Variants in NPC1 observed in about 807,000 individuals in gnomAD.
NPC1 encodes NPC intracellular cholesterol transporter 1.
NPC1 carries 85 observed loss-of-function variants against 140.4 expected under a neutral mutation model. The ratio of observed to expected loss-of-function variants is 0.61; its 90% CI spans 0.51 to 0.72. The LOEUF is 0.72. Among genes scored for constraint, NPC1 ranks in the 30% least tolerant of loss-of-function variants. The pLI, the probability that NPC1 is intolerant of heterozygous loss-of-function variation, is 0.00. For missense variants in NPC1, 1,504 were observed against 1,623.8 expected (o/e 0.93, Z 1.27); for synonymous variants, 656 against 624.8 (o/e 1.05, Z -0.74).
intron 3 of NPC1, among the ~76,000 whole-genome samples, chr18:23,571,835 G>A (rs918812555): frequency 6.6e-6 from 1 of 151,794 alleles, no homozygotes; most frequent in Non-Finnish European, 1.5e-5. Flanking sequence ...AGCAGAGTGA[G>A]ACTCTGTCTC....
chr18:23,576,435 T>C (rs1567984020), intron 1 of NPC1: 1 of 983,774 alleles, frequency 1.0e-6, no homozygotes, highest in African/African-American at 1.7e-5. Context: ...AAAAAAGTCA[T>C]CCTGCCGAAA....
In NPC1 at chr18:23,540,459, A is replaced by G; in HGVS notation, c.2593T>C (p.Ser865Pro). The G allele has an allele frequency of 3.1e-6, 5 of 1,606,162 alleles. No homozygotes were observed. Among genetic ancestry groups the G allele is most frequent in the Non-Finnish European group, 4.3e-6 (5 of 1,173,424 alleles). The change falls in exon 17 of 25, where the codon TCG becomes CCG. Residue 865 changes from serine to proline, a missense_variant. Coordinates refer to ENST00000269228, the MANE Select transcript of NPC1 (RefSeq NM_000271.5). ...KVDIGLDQSL[S>P]MPDDSYMVDY... The stretch of plus-strand genomic sequence containing the variant: ...GGAAGTCATCTTACATCTGGCATCG[A>G]AAGAGACTGATCCAATCCAATATCT...
chr18:23,578,492 C>A (rs1375065718), intron 1 of NPC1, among the ~76,000 whole-genome samples: 3 of 152,248 alleles, frequency 2.0e-5, no homozygotes, highest in Non-Finnish European at 2.9e-5. Context: ...AGCCTTCACT[C>A]CCTTCTCACC....
downstream of NPC1, chr18:23,529,159 T>G (rs746573690): frequency 2.7e-5 from 44 of 1,605,188 alleles, no homozygotes; most frequent in Non-Finnish European, 3.6e-5. Context: ...AGATCATAGT[T>G]TGTGGTTTTT....
chr18:23,519,285 A>G, downstream of NPC1: 1 of 891,360 alleles, frequency 1.1e-6, no homozygotes, highest in Non-Finnish European at 1.8e-6. Flanking sequence ...TGGGAGGCCA[A>G]GGCGGACAGA....
intron 3 of NPC1, 119 bp downstream of exon 3, chr18:23,571,955 C>T: frequency 2.5e-6 from 1 of 406,746 alleles, no homozygotes; most frequent in South Asian, 3.3e-5. Flanking sequence ...ATATAATATA[C>T]ATATAATATA....
intron 1 of NPC1, among the ~76,000 whole-genome samples, chr18:23,523,451 C>T (rs977557212): frequency 1.0e-4 from 14 of 139,668 alleles, no homozygotes; most frequent in African/African-American, 3.8e-4. Flanking sequence ...TGGCTCATGC[C>T]TGTAATCGCA....
In NPC1 at chr18:23,544,950, C is replaced by CCCCCCCCT; in HGVS notation, c.1947+9_1947+10insAGGGGGGG. The CCCCCCCCT allele has an allele frequency of 7.1e-7, 1 of 1,415,990 alleles. No homozygotes were observed. 87.7% of individuals were successfully genotyped at this position (1,415,990 alleles called of 1,614,324 possible). On this transcript the variant is annotated intron_variant, in intron 12 of 24. Transcript: ENST00000269228. ...ACCTCTAGAACATACACCACCCCCC[C>CCCCCCCCT]CCGGCTTACCAGAAGCCTGCGACAG... is the stretch of plus-strand genomic sequence containing the variant.
intron 1 of NPC1, among the ~76,000 whole-genome samples, chr18:23,586,062 C>A (rs908805422): frequency 5.3e-5 from 8 of 152,242 alleles, no homozygotes; most frequent in Non-Finnish European, 1.0e-4. Context: ...ATGGAACAAG[C>A]TCAGAACAGG....
chr18:23,531,975 G>T lies in NPC1; in HGVS notation c.*227C>A. On this transcript the variant is annotated 3_prime_UTR_variant, in exon 25 of 25. Coordinates refer to ENST00000269228, the MANE Select transcript of NPC1 (RefSeq NM_000271.5). ...AAGAATGAGGTTTCTTTCCTGAAGA[G>T]GCTGGGAGAAGTTTAGTGTCCTGTG... 6.9e-7 allele frequency: 1 copy of T among 1,454,486 alleles called. No individual in the cohort carries two copies. The highest frequency in any genetic ancestry group is 9.0e-7 in the Non-Finnish European group (1 of 1,110,648). 90.1% of individuals were successfully genotyped at this position (1,454,486 alleles called of 1,614,324 possible).
intron 1 of NPC1, among the ~76,000 whole-genome samples, chr18:23,577,801 G>A (rs1421924736): frequency 6.6e-6 from 1 of 152,264 alleles, no homozygotes; most frequent in Non-Finnish European, 1.5e-5. Flanking sequence ...GGCCCAGCGA[G>A]AAATCGAGCG....
At chr18:23,564,948 G>A (rs1306175041) in intron 4 of NPC1, among the ~76,000 whole-genome samples, 1 of 152,138 alleles carries the variant, frequency 6.6e-6, no homozygotes, top group Non-Finnish European at 1.5e-5. Flanking sequence ...TTTTCTCATT[G>A]AATGGCCCTG....
chr18:23,529,998 T>A, downstream of NPC1: 1 of 1,566,600 alleles, frequency 6.4e-7, no homozygotes, highest in Non-Finnish European at 8.8e-7. Flanking sequence ...GATTTGGAAG[T>A]GTTCTTTCAC....
intron 4 of NPC1, among the ~76,000 whole-genome samples, chr18:23,564,890 T>C (rs902354758): frequency 6.6e-6 from 1 of 152,250 alleles, no homozygotes; most frequent in African/African-American, 2.4e-5. Context: ...TATTTATTTT[T>C]GCATGTGTGT....
At chr18:23,554,344 G>A (rs764690049) in intron 9 of NPC1, among the ~76,000 whole-genome samples, 4 of 152,182 alleles carry the variant, frequency 2.6e-5, no homozygotes, top group Admixed American at 6.5e-5. Context: ...GGAAGCTCAC[G>A]CCTGTAATCC....
At chr18:23,557,837 T>C (rs973531718) in intron 6 of NPC1, among the ~76,000 whole-genome samples, 1 of 152,118 alleles carries the variant, frequency 6.6e-6, no homozygotes, top group African/African-American at 2.4e-5. Context: ...CATTCTCCAA[T>C]AAAAGGAACC....
intron 7 of NPC1, 194 bp from the exon 8 acceptor site, chr18:23,556,807 T>G: frequency 2.4e-6 from 2 of 827,856 alleles, no homozygotes; most frequent in East Asian, 2.7e-5. Flanking sequence ...ATGAGCGCTA[T>G]TCCCACCCCA....
At chr18:23,519,147 G>A (rs956859465), downstream of NPC1, 18 of 1,614,008 alleles carry the variant, frequency 1.1e-5, no homozygotes, top group Non-Finnish European at 1.4e-5. Flanking sequence ...TGGACAACCT[G>A]GTAGTCGTGC....
In NPC1 at chr18:23,509,548, A is replaced by ATTATT. The variant is rs543607446; in HGVS notation, c.432-2911_432-2907dup. On this transcript the variant is annotated intron_variant, in intron 3 of 3. Transcript: ENST00000591107. ...CCATGCCTGGCTAATTTTTCTTTTT[A>ATTATT]TTATTTTATTTTATTTTATTTTATT... is the stretch of plus-strand genomic sequence containing the variant. 526 of 181,084 alleles carry ATTATT rather than the reference A, an allele frequency of 2.9e-3. 2 individuals carry two copies. Among genetic ancestry groups the ATTATT allele is most frequent in the Non-Finnish European group, 4.6e-3 (404 of 88,588 alleles). 11.2% of individuals were successfully genotyped at this position (181,084 alleles called of 1,614,324 possible).
Sources: allele counts gnomAD v4.1 joint callset (sites outside exome capture counted in the v4.1 genomes callset), GRCh38; gene constraint gnomAD v4.1.1; transcripts MANE v1.5; gene names NCBI Gene and HGNC (gene_info 2026-07-23, HGNC 2026-07-21).